COL12A1: variants seen among roughly 807,000 people sequenced by gnomAD.
COL12A1 encodes the protein collagen type XII alpha 1 chain.
A neutral mutation model predicts 349.7 loss-of-function variants in COL12A1; 114 were observed. That is an observed-to-expected ratio of 0.33 (90% CI 0.28 to 0.38). The LOEUF (loss-of-function observed/expected upper bound fraction) is 0.38. Among genes scored for constraint, COL12A1 ranks in the 10% least tolerant of loss-of-function variants. The pLI is 1.00. For synonymous variants in COL12A1, 1,369 were observed against 1,329.0 expected (o/e 1.03, Z -0.66); for missense variants, 3,284 against 3,756.9 (o/e 0.87, Z 3.29).
chr6:75,180,867 T>C (rs973418481), intron 11 of COL12A1, 72 bp downstream of exon 11: 11 of 1,521,202 alleles, frequency 7.2e-6, no homozygotes, highest in Non-Finnish European at 9.8e-6. Flanking sequence ...CAGATGGTTA[T>C]TACAAACTGT....
chr6:75,105,141 G>T, intron 54 of COL12A1, 65 bp downstream of exon 54: 1 of 1,377,222 alleles, frequency 7.3e-7, no homozygotes, highest in Non-Finnish European at 1.0e-6. Context: ...CTCCATATTG[G>T]CAAATAGATA....
chr6:75,143,711 G>A (rs1481420325), intron 25 of COL12A1, among the ~76,000 whole-genome samples: 1 of 151,976 alleles, frequency 6.6e-6, no homozygotes, highest in East Asian at 1.9e-4. Flanking sequence ...CATCATAAAT[G>A]TACAGCTCAT....
intron 35 of COL12A1, 94 bp from the exon 36 acceptor site, chr6:75,131,075 G>T: frequency 4.6e-6 from 7 of 1,521,662 alleles, no homozygotes; most frequent in South Asian, 3.6e-5. Context: ...ATAATAAAAT[G>T]TTGAGCCCAG....
chr6:75,128,820 G>A (rs75490815), intron 37 of COL12A1, among the ~76,000 whole-genome samples: 6,513 of 152,210 alleles, frequency 0.043, 223 homozygotes, highest in Non-Finnish European at 0.065. Context: ...CCCAGTACCC[G>A]CTGTGGACCA....
intron 1 of COL12A1, among the ~76,000 whole-genome samples, chr6:75,204,921 A>C: frequency 6.6e-6 from 1 of 152,090 alleles, no homozygotes. Context: ...AGAAGACTAC[A>C]GAGTCCGGAT....
intron 14 of COL12A1, among the ~76,000 whole-genome samples, chr6:75,163,948 C>A (rs931389572): frequency 6.6e-6 from 1 of 152,148 alleles, no homozygotes; most frequent in Non-Finnish European, 1.5e-5. Flanking sequence ...TTTGTAATTT[C>A]TCAGCCACAT....
At chr6:75,135,857 A>G (rs2149391738) in intron 31 of COL12A1, among the ~76,000 whole-genome samples, 1 of 152,368 alleles carries the variant, frequency 6.6e-6, no homozygotes, top group East Asian at 1.9e-4. Context: ...AACTTAATAC[A>G]TAACAAATCT....
intron 65 of COL12A1, among the ~76,000 whole-genome samples, chr6:75,086,948 C>T (rs184330223): frequency 8.6e-4 from 131 of 152,102 alleles, no homozygotes; most frequent in Admixed American, 2.1e-3. Context: ...ATGAAATGGT[C>T]GCCATTGACC....
At chr6:75,134,935 G>A in intron 31 of COL12A1, 80 bp from the exon 32 acceptor site, 7 of 1,455,654 alleles carry the variant, frequency 4.8e-6, no homozygotes. Flanking sequence ...TCTTTCTACA[G>A]GGAAGCTGTT....
chr6:75,088,417 G>GA (rs111292660), intron 64 of COL12A1, among the ~76,000 whole-genome samples: 1,564 of 148,226 alleles, frequency 0.011, 23 homozygotes, highest in African/African-American at 0.037. Context: ...AAGACTACTG[G>GA]AAAAAACAGG....
intron 40 of COL12A1, 119 bp from the exon 41 acceptor site, chr6:75,124,490 T>C (rs1765918200): frequency 1.5e-6 from 1 of 666,454 alleles, no homozygotes; most frequent in Non-Finnish European, 2.5e-6. Context: ...AATTGTATTA[T>C]GTTTCCTTAT....
chr6:75,101,428 C>T (rs373244862), intron 58 of COL12A1, among the ~76,000 whole-genome samples, 172 bp downstream of exon 58: 1 of 152,182 alleles, frequency 6.6e-6, no homozygotes, highest in Non-Finnish European at 1.5e-5. Flanking sequence ...ATTTCAAAGA[C>T]CTTGAGATTG....
intron 25 of COL12A1, 101 bp from the exon 26 acceptor site, chr6:75,143,489 G>T (rs924416237): frequency 7.5e-7 from 1 of 1,334,000 alleles, no homozygotes. Flanking sequence ...AAAATTTAAA[G>T]GTGTTTGGCA....
rs1191419575 is a variant in COL12A1 at position 75,133,948 on chromosome 6, G to T, written c.5574C>A (p.Ser1858Arg). Reference protein sequence around the residue: ...RNLRVYDPSTSTLNVRWDHAE... With the variant: ...RNLRVYDPSTRTLNVRWDHAE... ...CATGGTCCCAGCGGACATTCAAGGT[G>T]CTGGTAGAAGGGTCATACACTCTCA... Residue 1858 changes from serine (S) to arginine (R), a missense_variant, in exon 33 of 66, where the codon AGC (serine) becomes AGA (arginine). Ser to Arg is a moderately radical substitution (Grantham distance 110). Transcript: ENST00000322507. The T allele has an allele frequency of 6.2e-7, 1 of 1,613,958 alleles. No individual in the cohort carries two copies. Among genetic ancestry groups the T allele is most frequent in the Non-Finnish European group, 8.5e-7 (1 of 1,179,984 alleles).
At chr6:75,138,289 A>G in intron 30 of COL12A1, 31 bp downstream of exon 30, 1 of 1,580,522 alleles carries the variant, frequency 6.3e-7, no homozygotes, top group Non-Finnish European at 8.6e-7. Context: ...TTATTTGTTC[A>G]TTCAAACAAT....
At chr6:75,194,566 T>C (rs568165861) in intron 3 of COL12A1, among the ~76,000 whole-genome samples, 1 of 152,272 alleles carries the variant, frequency 6.6e-6, no homozygotes, top group South Asian at 2.1e-4. Flanking sequence ...TTACTAACAA[T>C]ATTCTGATCA....
chr6:75,165,375 A>G, intron 14 of COL12A1, 132 bp downstream of exon 14: 1 of 1,240,408 alleles, frequency 8.1e-7, no homozygotes, highest in Non-Finnish European at 1.1e-6. Flanking sequence ...AATTCTTTAA[A>G]GATCCTAATT....
chr6:75,105,400 A>T, intron 53 of COL12A1, 108 bp from the exon 54 acceptor site: 3 of 721,040 alleles, frequency 4.2e-6, no homozygotes, highest in Non-Finnish European at 7.1e-6. Context: ...AACTTAAAGA[A>T]ATAATTTTAA....
intron 8 of COL12A1, 107 bp from the exon 9 acceptor site, chr6:75,184,251 T>C (rs1180001038): frequency 3.3e-6 from 4 of 1,225,382 alleles, no homozygotes; most frequent in Non-Finnish European, 3.4e-6. Flanking sequence ...TCATCCTAAA[T>C]ACATTGAAAA....
Sources: allele counts gnomAD v4.1 joint callset (sites outside exome capture counted in the v4.1 genomes callset), GRCh38; gene constraint gnomAD v4.1.1; transcripts MANE v1.5; gene names NCBI Gene and HGNC (gene_info 2026-07-23, HGNC 2026-07-21).